SOX6: variants seen among roughly 807,000 people sequenced by gnomAD.
SOX6 encodes SRY-box transcription factor 6, also known as transcription factor SOX-6.
SOX6 carries 11 observed loss-of-function variants against 97.8 expected under a neutral mutation model. The ratio of observed to expected loss-of-function variants is 0.11; its 90% CI spans 0.07 to 0.19. The LOEUF (loss-of-function observed/expected upper bound fraction) is 0.19, where lower values mean the gene tolerates loss of function less well. Ranked by LOEUF, SOX6 falls within the 10% of genes least tolerant of loss-of-function variation. The pLI, the probability that SOX6 is intolerant of heterozygous loss-of-function variation, is 1.00. For missense variants in SOX6, 810 were observed against 1,039.5 expected (o/e 0.78, Z 3.04); for synonymous variants, 360 against 371.4 (o/e 0.97, Z 0.35).
intron 3 of SOX6, among the ~76,000 whole-genome samples, chr11:16,287,070 C>T (rs754097239): frequency 5.9e-5 from 9 of 151,738 alleles, no homozygotes; most frequent in Non-Finnish European, 8.8e-5. Flanking sequence ...AATATACTTT[C>T]CTGTTGCTGT....
chr11:16,144,896 T>C (rs1215466972), intron 6 of SOX6, among the ~76,000 whole-genome samples: 15 of 152,144 alleles, frequency 9.9e-5, no homozygotes, highest in Non-Finnish European at 1.2e-4. Flanking sequence ...ACCAGACGGA[T>C]TCACAGCTGA....
In SOX6 at chr11:15,986,146, T is replaced by C. The variant is rs1853830556; in HGVS notation, c.2183+58A>G. The C allele has an allele frequency of 1.2e-5, 17 of 1,462,976 alleles. No individual in the cohort carries two copies. The South Asian group carries it at 1.8e-4, about 16-fold the overall frequency. 90.6% of individuals were successfully genotyped at this position (1,462,976 alleles called of 1,614,324 possible). A position where few individuals can be genotyped will look rare whatever the true frequency, so the allele number is the denominator to read the frequency against. ...TTCCCAAACATACTGCCAGTAGCCATCCTATAGTTACTTACCGCAAAAGTA... is the reference window on the plus strand; with the variant it reads ...TTCCCAAACATACTGCCAGTAGCCACCCTATAGTTACTTACCGCAAAAGTA... On this transcript the variant is annotated intron_variant, in intron 15 of 15. Coordinates refer to ENST00000683767, the MANE Select transcript of SOX6 (RefSeq NM_001367873.1).
chr11:16,380,244 C>T (rs866095722), intron 1 of SOX6, among the ~76,000 whole-genome samples: 1 of 151,930 alleles, frequency 6.6e-6, no homozygotes, highest in Non-Finnish European at 1.5e-5. Flanking sequence ...TAGGGAAATG[C>T]TCACATGTTA....
chr11:16,266,109 C>T (rs1188327161), intron 3 of SOX6, among the ~76,000 whole-genome samples: 1 of 151,440 alleles, frequency 6.6e-6, no homozygotes, highest in East Asian at 1.9e-4. Flanking sequence ...ATGAAGAAAA[C>T]TACACAAAGG....
intron 4 of SOX6, among the ~76,000 whole-genome samples, chr11:16,492,004 T>A (rs1007066319): frequency 6.6e-6 from 1 of 152,146 alleles, no homozygotes; most frequent in African/African-American, 2.4e-5. Flanking sequence ...ATTACCCATA[T>A]CTTTCATCAC....
chr11:15,977,665 G>A (rs747375927), intron 15 of SOX6, among the ~76,000 whole-genome samples: 2 of 151,984 alleles, frequency 1.3e-5, no homozygotes, highest in Non-Finnish European at 2.9e-5. Context: ...CCACACAGCT[G>A]AACTTGGCTG....
At chr11:16,649,081 G>C (rs1003676990) in intron 3 of SOX6, among the ~76,000 whole-genome samples, 2 of 150,934 alleles carry the variant, frequency 1.3e-5, no homozygotes, top group Non-Finnish European at 3.0e-5. Context: ...GAAAAAAGAA[G>C]GAAAAAAAAA....
chr11:16,629,685 G>A (rs1460498413), intron 3 of SOX6, among the ~76,000 whole-genome samples: 1 of 152,040 alleles, frequency 6.6e-6, no homozygotes, highest in Non-Finnish European at 1.5e-5. Context: ...GCTCTTCTTT[G>A]TGCATCTAGT....
chr11:16,243,042 A>C (rs1174941074), intron 3 of SOX6, among the ~76,000 whole-genome samples: 2 of 151,722 alleles, frequency 1.3e-5, no homozygotes, highest in Non-Finnish European at 2.9e-5. Context: ...ATGTCTCCCC[A>C]CTTTTTGACT....
At chr11:16,497,860 C>T (rs148754584) in intron 4 of SOX6, among the ~76,000 whole-genome samples, 1 of 152,234 alleles carries the variant, frequency 6.6e-6, no homozygotes, top group African/African-American at 2.4e-5. Flanking sequence ...CTGAAAGTGA[C>T]GGGGAGAAGG....
intron 13 of SOX6, among the ~76,000 whole-genome samples, chr11:15,994,024 A>G (rs1854147100): frequency 6.6e-6 from 1 of 152,218 alleles, no homozygotes; most frequent in South Asian, 2.1e-4. Flanking sequence ...TTATGTATTA[A>G]TTCAATAAAC....
chr11:16,581,213 T>C (rs1216521893), intron 4 of SOX6, among the ~76,000 whole-genome samples: 1 of 152,118 alleles, frequency 6.6e-6, no homozygotes, highest in African/African-American at 2.4e-5. Flanking sequence ...CCATCAATGA[T>C]AGGCTGGATA....
chr11:16,108,300 A>G (rs1278973968), intron 7 of SOX6, among the ~76,000 whole-genome samples: 1 of 152,120 alleles, frequency 6.6e-6, no homozygotes, highest in Non-Finnish European at 1.5e-5. Context: ...GGAAACTTCA[A>G]GTGTGCTTTC....
At chr11:16,132,327 G>GAAAA (rs1849778635) in intron 6 of SOX6, among the ~76,000 whole-genome samples, 5 of 66,878 alleles carry the variant, frequency 7.5e-5, no homozygotes, top group African/African-American at 1.6e-4. Context: ...AGGAAGGAAG[G>GAAAA]AAGGAAAGAA....
At chr11:16,539,617 A>G (rs1861370520) in intron 4 of SOX6, among the ~76,000 whole-genome samples, 2 of 152,204 alleles carry the variant, frequency 1.3e-5, no homozygotes, top group Non-Finnish European at 2.9e-5. Context: ...AAATAGATGC[A>G]ATAAAAAATG....
intron 4 of SOX6, among the ~76,000 whole-genome samples, chr11:16,523,722 T>A (rs1416127928): frequency 6.6e-6 from 1 of 151,764 alleles, no homozygotes; most frequent in Non-Finnish European, 1.5e-5. Flanking sequence ...TCAACAAAAT[T>A]GATAGACCAC....
intron 4 of SOX6, among the ~76,000 whole-genome samples, chr11:16,498,376 G>C (rs958236121): frequency 1.1e-4 from 17 of 152,102 alleles, no homozygotes; most frequent in Non-Finnish European, 1.9e-4. Context: ...AAAGACCATC[G>C]AGGCTAGGAT....
chr11:16,361,664 T>C (rs1309764213), intron 1 of SOX6, among the ~76,000 whole-genome samples: 3 of 152,154 alleles, frequency 2.0e-5, no homozygotes, highest in African/African-American at 4.8e-5. Flanking sequence ...CATGTAATCC[T>C]GAACCAGTGA....
chr11:16,177,679 C>T (rs1427455983), intron 6 of SOX6, among the ~76,000 whole-genome samples: 1 of 147,676 alleles, frequency 6.8e-6, no homozygotes, highest in East Asian at 2.0e-4. Flanking sequence ...GATTTTAGTA[C>T]ATACTAGAAG....
Sources: allele counts gnomAD v4.1 joint callset (sites outside exome capture counted in the v4.1 genomes callset), GRCh38; gene constraint gnomAD v4.1.1; transcripts MANE v1.5; gene names NCBI Gene and HGNC (gene_info 2026-07-23, HGNC 2026-07-21).